Variants in FAM193A observed in about 807,000 individuals in gnomAD.
The protein encoded by FAM193A is protein FAM193A.
Under a neutral mutation model 126.5 loss-of-function variants are expected in FAM193A, and 22 were observed. The observed-to-expected ratio is 0.17, with a 90% CI of 0.12 to 0.25. The LOEUF is 0.25. Ranked by LOEUF, FAM193A falls within the 10% of genes least tolerant of loss-of-function variation. The pLI is 1.00. For missense variants in FAM193A, 1,675 were observed against 1,672.8 expected (o/e 1.00, Z -0.02); for synonymous variants, 761 against 646.8 (o/e 1.18, Z -2.68).
At chr4:2,648,921 C>A (rs1745397844) in intron 7 of FAM193A, among the ~76,000 whole-genome samples, 1 of 152,182 alleles carries the variant, frequency 6.6e-6, no homozygotes, top group South Asian at 2.1e-4. Flanking sequence ...GACTTGGGTC[C>A]CAGGGAGAAC....
chr4:2,711,054 A>G (rs9761799), intron 19 of FAM193A, among the ~76,000 whole-genome samples: 53,654 of 150,284 alleles, frequency 0.36, 10,644 homozygotes, highest in Admixed American at 0.54. Context: ...GGGTTTCACC[A>G]TGTTAGCCAG....
intron 20 of FAM193A, among the ~76,000 whole-genome samples, chr4:2,721,372 C>T (rs1257030334): frequency 1.3e-5 from 2 of 150,148 alleles, no homozygotes; most frequent in East Asian, 3.9e-4. Context: ...CCTGTAGTCC[C>T]AGCTACTCAG....
intron 1 of FAM193A, among the ~76,000 whole-genome samples, chr4:2,565,830 C>T (rs1174895137): frequency 6.6e-6 from 1 of 152,116 alleles, no homozygotes; most frequent in Non-Finnish European, 1.5e-5. Flanking sequence ...CAGGGGTTTG[C>T]TGGCTATCTT....
intron 1 of FAM193A, among the ~76,000 whole-genome samples, chr4:2,590,621 G>A (rs555195614): frequency 3.9e-5 from 6 of 151,984 alleles, no homozygotes; most frequent in Non-Finnish European, 8.8e-5. Flanking sequence ...TTTACTGGGC[G>A]CCTACTGGTT....
chr4:2,585,549 G>A (rs1740185599), intron 1 of FAM193A, among the ~76,000 whole-genome samples: 1 of 152,100 alleles, frequency 6.6e-6, no homozygotes, highest in African/African-American at 2.4e-5. Flanking sequence ...TTTCAGTCAA[G>A]TTGTATATCT....
chr4:2,591,180 A>C (rs73207335), intron 1 of FAM193A, among the ~76,000 whole-genome samples: 2,581 of 152,214 alleles, frequency 0.017, 34 homozygotes, highest in Middle Eastern at 0.054. Flanking sequence ...CTTGTAAAGG[A>C]AAGGCGGGGA....
intron 20 of FAM193A, among the ~76,000 whole-genome samples, chr4:2,721,179 G>A (rs911499933): frequency 1.3e-5 from 2 of 152,060 alleles, no homozygotes; most frequent in East Asian, 1.9e-4. Flanking sequence ...CAGGCGTGGT[G>A]GCGGGCACCT....
Position 2,630,732 on chromosome 4 carries a change from G to C in FAM193A, c.804-203G>C, listed in dbSNP as rs981039060. Among the ~76,000 whole-genome samples, 7 of 152,238 alleles carry C rather than the reference G, an allele frequency of 4.6e-5. No individual in the cohort carries two copies. In the South Asian group the frequency reaches 1.0e-3, roughly 22 times the overall value. On this transcript the variant is annotated intron_variant, in intron 4 of 20. Coordinates refer to ENST00000637812, the MANE Select transcript of FAM193A (RefSeq NM_001366318.2). ...GAAAGCTCAATAAATGTCACTTGCTGTTCCCTAGTGACACTCTGTGCCCCG... is the reference window on the plus strand; with the variant it reads ...GAAAGCTCAATAAATGTCACTTGCTCTTCCCTAGTGACACTCTGTGCCCCG...
At chr4:2,701,073 C>T (rs1256930895) in intron 19 of FAM193A, among the ~76,000 whole-genome samples, 1 of 152,116 alleles carries the variant, frequency 6.6e-6, no homozygotes, top group Non-Finnish European at 1.5e-5. Context: ...CTCTCCCTCT[C>T]TCTCTTATTT....
At chr4:2,588,457 A>G (rs998997704) in intron 1 of FAM193A, among the ~76,000 whole-genome samples, 9 of 152,186 alleles carry the variant, frequency 5.9e-5, no homozygotes, top group African/African-American at 2.2e-4. Flanking sequence ...GTCACTGGCT[A>G]GCCTCTGGTT....
At chr4:2,664,570 T>C (rs1712886194) in intron 12 of FAM193A, among the ~76,000 whole-genome samples, 1 of 133,726 alleles carries the variant, frequency 7.5e-6, no homozygotes, top group East Asian at 2.1e-4. Context: ...TTTTTTTTTT[T>C]TTTTTTTTTT....
At chr4:2,649,627 A>AT (rs939386234) in intron 7 of FAM193A, among the ~76,000 whole-genome samples, 6 of 152,114 alleles carry the variant, frequency 3.9e-5, no homozygotes, top group African/African-American at 1.4e-4. Flanking sequence ...AGCTATGATC[A>AT]TGCCACCACA....
At chr4:2,694,764 A>G (rs994826606) in intron 16 of FAM193A, among the ~76,000 whole-genome samples, 182 bp from the exon 17 acceptor site, 2 of 152,098 alleles carry the variant, frequency 1.3e-5, no homozygotes, top group Admixed American at 6.5e-5. Flanking sequence ...CGCACACGCC[A>G]TGTCTCCCAC....
chr4:2,707,777 A>G (rs1035569566), intron 19 of FAM193A, among the ~76,000 whole-genome samples: 9 of 150,378 alleles, frequency 6.0e-5, no homozygotes, highest in East Asian at 1.9e-4. Flanking sequence ...CAGTGGCGCA[A>G]TCTCGGCTCA....
Position 2,536,825 on chromosome 4 carries a change from C to T in FAM193A, c.-91C>T, listed in dbSNP as rs1468498320. 6.8e-6 allele frequency: 1 copy of T among 147,382 alleles called. No homozygotes were observed. Among genetic ancestry groups the T allele is most frequent in the Non-Finnish European group, 1.5e-5 (1 of 65,950 alleles). The allele number at this position is 147,382 out of a possible 1,614,324, so 9.1% of individuals were successfully genotyped here. ...CCCCCCGGCTGGCCGGAGCGCCCGC[C>T]GCCGCGGCCGCCTCAGCCTCCCCGC... On this transcript the variant is annotated 5_prime_UTR_variant, in exon 1 of 21. Transcript: ENST00000637812.
chr4:2,592,487 G>A (rs1740628057), intron 1 of FAM193A, among the ~76,000 whole-genome samples: 1 of 152,188 alleles, frequency 6.6e-6, no homozygotes, highest in South Asian at 2.1e-4. Context: ...CTCAAACAGT[G>A]AAACAAAGGA....
At chr4:2,567,662 C>T (rs1739048342) in intron 1 of FAM193A, among the ~76,000 whole-genome samples, 1 of 152,060 alleles carries the variant, frequency 6.6e-6, no homozygotes, top group Admixed American at 6.6e-5. Flanking sequence ...ACATAAATTA[C>T]ATTCATTAAC....
chr4:2,701,422 AGC>A (rs1417420711), intron 19 of FAM193A, among the ~76,000 whole-genome samples: 1 of 150,514 alleles, frequency 6.6e-6, no homozygotes, highest in African/African-American at 2.4e-5. Context: ...TGAAGAGTGC[AGC>A]GCATTTATTT....
At chr4:2,543,741 T>C (rs1349082180) in intron 1 of FAM193A, among the ~76,000 whole-genome samples, 1 of 151,490 alleles carries the variant, frequency 6.6e-6, no homozygotes, top group Non-Finnish European at 1.5e-5. Context: ...GCCTGTAATC[T>C]CAGCTACTCA....
Sources: gnomAD v4.1 joint callset for allele counts (sites outside exome capture counted in the v4.1 genomes callset) on GRCh38, gnomAD v4.1.1 for gene constraint, MANE v1.5 for transcripts, NCBI Gene and HGNC (gene_info 2026-07-23, HGNC 2026-07-21) for gene names.